The following SUMF1 variants were observed in gnomAD, a reference collection of about 807,000 sequenced individuals.
SUMF1 encodes formylglycine-generating enzyme.
A neutral mutation model predicts 47.6 loss-of-function variants in SUMF1; 48 were observed. That is an observed-to-expected ratio of 1.01 (90% confidence interval 0.80 to 1.28). The LOEUF (loss-of-function observed/expected upper bound fraction) is 1.28. Among genes scored for constraint, SUMF1 ranks in the 50% most tolerant of loss-of-function variants. SUMF1 has a pLI of 0.00. For missense variants in SUMF1, 571 were observed against 485.4 expected (o/e 1.18, Z -1.66); for synonymous variants, 230 against 192.1 (o/e 1.20, Z -1.63).
intron 8 of SUMF1, among the ~76,000 whole-genome samples, chr3:4,329,855 C>T (rs556004675): frequency 3.6e-4 from 55 of 152,118 alleles, no homozygotes; most frequent in Admixed American, 7.9e-4. Flanking sequence ...CAATTCCAAA[C>T]CATAATTTTG....
chr3:4,310,545 T>C (rs183551426), intron 8 of SUMF1, among the ~76,000 whole-genome samples: 1 of 152,348 alleles, frequency 6.6e-6, no homozygotes, highest in East Asian at 1.9e-4. Flanking sequence ...CAGAAGTCTC[T>C]GTTTTCTTTT....
chr3:4,091,887 T>TAAA (rs56037759), intron 8 of SUMF1, among the ~76,000 whole-genome samples: 1 of 143,318 alleles, frequency 7.0e-6, no homozygotes. Flanking sequence ...GTGTGCAATT[T>TAAA]AAAAAAAAAA....
At chr3:4,089,518 G>A (rs140207008) in intron 8 of SUMF1, among the ~76,000 whole-genome samples, 22 of 152,182 alleles carry the variant, frequency 1.4e-4, no homozygotes, top group African/African-American at 4.6e-4. Context: ...CTTATTCTTT[G>A]TCTATTTTCC....
chr3:4,234,533 T>C (rs1182319189), intron 8 of SUMF1, among the ~76,000 whole-genome samples: 4 of 152,256 alleles, frequency 2.6e-5, no homozygotes, highest in Admixed American at 6.5e-5. Flanking sequence ...TATATGACTG[T>C]TTATGTGTAT....
intron 8 of SUMF1, among the ~76,000 whole-genome samples, chr3:4,170,794 AC>A (rs1345806544): frequency 6.6e-6 from 1 of 152,202 alleles, no homozygotes; most frequent in African/African-American, 2.4e-5. Flanking sequence ...CAACAAAAAA[AC>A]GAACTTTGAT....
At chr3:4,145,927 A>G (rs1694183255) in intron 8 of SUMF1, among the ~76,000 whole-genome samples, 1 of 152,030 alleles carries the variant, frequency 6.6e-6, no homozygotes, top group African/African-American at 2.4e-5. Context: ...CAATTCCCTG[A>G]GTTCAATTTT....
intron 7 of SUMF1, among the ~76,000 whole-genome samples, chr3:4,390,216 C>T (rs1368731038): frequency 6.6e-6 from 1 of 152,078 alleles, no homozygotes; most frequent in African/African-American, 2.4e-5. Flanking sequence ...AGAAGGGACC[C>T]CTCATTACTA....
intron 3 of SUMF1, among the ~76,000 whole-genome samples, chr3:4,424,945 T>C (rs1037039612): frequency 6.6e-6 from 1 of 152,218 alleles, no homozygotes; most frequent in African/African-American, 2.4e-5. Flanking sequence ...GGAGACTGTC[T>C]TATGTATTGC....
At chr3:4,047,386 AT>A (rs1304530844) in intron 9 of SUMF1, among the ~76,000 whole-genome samples, 1 of 151,832 alleles carries the variant, frequency 6.6e-6, no homozygotes, top group East Asian at 1.9e-4. Flanking sequence ...TCTAACCCTT[AT>A]TTTCTCCATT....
intron 7 of SUMF1, among the ~76,000 whole-genome samples, chr3:4,381,953 G>A (rs941557292): frequency 6.6e-6 from 1 of 152,184 alleles, no homozygotes; most frequent in Non-Finnish European, 1.5e-5. Context: ...GGCCGAGGCA[G>A]GAGAACCATT....
intron 3 of SUMF1, among the ~76,000 whole-genome samples, chr3:4,423,217 T>C (rs894053151): frequency 6.6e-6 from 1 of 150,940 alleles, no homozygotes; most frequent in East Asian, 1.9e-4. Context: ...TAATTCACAA[T>C]TGCAAAAATG....
At chr3:4,207,440 A>T (rs1454000391) in intron 8 of SUMF1, among the ~76,000 whole-genome samples, 2 of 152,144 alleles carry the variant, frequency 1.3e-5, no homozygotes, top group African/African-American at 4.8e-5. Flanking sequence ...CAGGCTTTTA[A>T]TATTAACCAT....
At chr3:4,188,117 A>C (rs1450410822) in intron 8 of SUMF1, among the ~76,000 whole-genome samples, 2 of 151,850 alleles carry the variant, frequency 1.3e-5, no homozygotes, top group Non-Finnish European at 2.9e-5. Context: ...CATGTGTACA[A>C]CTGATGAACC....
At chr3:4,379,352 G>T (rs115756902) in intron 7 of SUMF1, among the ~76,000 whole-genome samples, 3,473 of 152,326 alleles carry the variant, frequency 0.023, 84 homozygotes, top group Admixed American at 0.059. Flanking sequence ...ATAAGATGAG[G>T]AGAGGATGCA....
chr3:4,109,673 T>A (rs896349879), intron 8 of SUMF1, among the ~76,000 whole-genome samples: 1 of 152,136 alleles, frequency 6.6e-6, no homozygotes, highest in African/African-American at 2.4e-5. Flanking sequence ...ATTTCATTCA[T>A]TTGATCTTCC....
At chr3:4,216,296 T>G (rs1229390108) in intron 8 of SUMF1, among the ~76,000 whole-genome samples, 1 of 152,172 alleles carries the variant, frequency 6.6e-6, no homozygotes, top group African/African-American at 2.4e-5. Context: ...GGGGAAAAGA[T>G]TCCCTATTTA....
intron 1 of SUMF1, among the ~76,000 whole-genome samples, chr3:4,459,771 C>G (rs1025181204): frequency 2.0e-5 from 3 of 152,184 alleles, no homozygotes; most frequent in African/African-American, 7.2e-5. Context: ...CTGCAGAACC[C>G]TTGTAATTGG....
intron 1 of SUMF1, among the ~76,000 whole-genome samples, chr3:4,464,431 T>TGA (rs376795994): frequency 1.6e-3 from 247 of 151,132 alleles, no homozygotes; most frequent in Non-Finnish European, 3.0e-3. Flanking sequence ...TGTGTGTGTG[T>TGA]GAGAGAGAGA....
At chr3:4,133,180 T>C (rs978451223) in intron 8 of SUMF1, among the ~76,000 whole-genome samples, 2 of 152,166 alleles carry the variant, frequency 1.3e-5, no homozygotes, top group African/African-American at 4.8e-5. Flanking sequence ...CTAAGAAAAA[T>C]CTTCATTTTA....
Sources: allele counts gnomAD v4.1 joint callset (sites outside exome capture counted in the v4.1 genomes callset), GRCh38; gene constraint gnomAD v4.1.1; transcripts MANE v1.5; gene names NCBI Gene and HGNC (gene_info 2026-07-23, HGNC 2026-07-21).